Variants in CSNK1G1 observed in about 807,000 individuals in gnomAD.
The protein encoded by CSNK1G1 is casein kinase I isoform gamma-1.
In CSNK1G1, 22 loss-of-function variants were observed where a neutral mutation model predicts 59.6. The observed-to-expected ratio is 0.37, with a 90% CI of 0.26 to 0.53. The LOEUF (loss-of-function observed/expected upper bound fraction) is 0.53. CSNK1G1 is among the 20% of genes least tolerant of loss of function. The probability of loss-of-function intolerance (pLI) is 0.89; values close to 1 mark genes in which losing one functional copy is unlikely to be tolerated. For synonymous variants in CSNK1G1, 179 were observed against 177.1 expected (o/e 1.01, Z -0.08); for missense variants, 384 against 519.5 (o/e 0.74, Z 2.54).
intron 4 of CSNK1G1, among the ~76,000 whole-genome samples, chr15:64,236,014 A>C (rs1348991248): frequency 6.6e-6 from 1 of 151,718 alleles, no homozygotes; most frequent in Non-Finnish European, 1.5e-5. Flanking sequence ...GTGGTGGCAC[A>C]TGCCTGTAAT....
intron 2 of CSNK1G1, among the ~76,000 whole-genome samples, chr15:64,268,928 C>T (rs553964543): frequency 8.5e-5 from 13 of 152,238 alleles, no homozygotes; most frequent in Non-Finnish European, 1.2e-4. Context: ...CAATGCAGTA[C>T]AAAAGTGCTC....
chr15:64,184,273 AGCCTGG>A (rs1206947801), intron 10 of CSNK1G1, among the ~76,000 whole-genome samples: 2 of 152,128 alleles, frequency 1.3e-5, no homozygotes, highest in East Asian at 3.9e-4. Context: ...ACTGCACTCC[AGCCTGG>A]GTGACAGAGC....
chr15:64,201,115 T>C (rs930546512), intron 10 of CSNK1G1, among the ~76,000 whole-genome samples: 1 of 151,576 alleles, frequency 6.6e-6, no homozygotes, highest in Non-Finnish European at 1.5e-5. Context: ...CTAATAAAAA[T>C]ACAAAAATTA....
intron 4 of CSNK1G1, among the ~76,000 whole-genome samples, chr15:64,238,881 G>A (rs1273830891): frequency 6.6e-6 from 1 of 151,970 alleles, no homozygotes; most frequent in Non-Finnish European, 1.5e-5. Flanking sequence ...GCTGCTTGTA[G>A]GCTATGTCAG....
chr15:64,313,439 T>C (rs1434620244), intron 1 of CSNK1G1, among the ~76,000 whole-genome samples: 1 of 152,220 alleles, frequency 6.6e-6, no homozygotes, highest in African/African-American at 2.4e-5. Flanking sequence ...GATGGGTTCA[T>C]GTCCTTTGCA....
intron 3 of CSNK1G1, among the ~76,000 whole-genome samples, chr15:64,255,877 G>A (rs1199610083): frequency 1.3e-5 from 2 of 152,192 alleles, no homozygotes; most frequent in African/African-American, 4.8e-5. Flanking sequence ...GTATCTGTAG[G>A]AAGCGCTATG....
chr15:64,276,595 A>C (rs1281758473), intron 2 of CSNK1G1, among the ~76,000 whole-genome samples: 2 of 152,188 alleles, frequency 1.3e-5, no homozygotes, highest in African/African-American at 4.8e-5. Flanking sequence ...TGACGTACCA[A>C]TGAGATATTT....
chr15:64,225,379 G>T (rs1310363176), intron 4 of CSNK1G1, among the ~76,000 whole-genome samples: 1 of 152,084 alleles, frequency 6.6e-6, no homozygotes, highest in Non-Finnish European at 1.5e-5. Context: ...ACAGGCCAAA[G>T]GCCCATCCCT....
At chr15:64,347,921 G>C (rs759999409) in intron 1 of CSNK1G1, among the ~76,000 whole-genome samples, 21 of 151,650 alleles carry the variant, frequency 1.4e-4, no homozygotes, top group Non-Finnish European at 2.9e-4. Flanking sequence ...CAGGGGAATC[G>C]CTTGAACCCA....
chr15:64,230,989 T>G (rs1022781547), intron 4 of CSNK1G1, among the ~76,000 whole-genome samples: 2 of 150,976 alleles, frequency 1.3e-5, no homozygotes, highest in African/African-American at 4.9e-5. Context: ...AATAAATAAA[T>G]AAATAATAAA....
intron 2 of CSNK1G1, among the ~76,000 whole-genome samples, chr15:64,263,186 TTTTTC>T (rs1349183416): frequency 6.6e-6 from 1 of 151,866 alleles, no homozygotes; most frequent in African/African-American, 2.4e-5. Context: ...GTGTGCAACC[TTTTTC>T]TTTTTTCTTT....
In CSNK1G1 at chr15:64,200,592, C is replaced by T. The variant is rs143405697; in HGVS notation, c.1107+2490G>A. Among the ~76,000 whole-genome samples, 6,541 of 152,222 alleles carry T rather than the reference C, an allele frequency of 0.043. 157 individuals are homozygous for T. Among genetic ancestry groups the T allele is most frequent in the South Asian group, 0.079 (379 of 4,826 alleles). ...AACTCCTGACCTCAGGTGATCGACCCGCCTCGGCCTCCCAAAGTGCTGGGA... is the reference window on the plus strand; with the variant it reads ...AACTCCTGACCTCAGGTGATCGACCTGCCTCGGCCTCCCAAAGTGCTGGGA... On this transcript the variant is annotated intron_variant, in intron 10 of 11. Coordinates refer to ENST00000303052, the MANE Select transcript of CSNK1G1 (RefSeq NM_022048.5). This position sits in a 1 kb window ranked among gnomAD's most constrained non-coding sequence, Gnocchi z 4.3.
At chr15:64,276,885 T>C (rs1367838214) in intron 2 of CSNK1G1, among the ~76,000 whole-genome samples, 1 of 149,118 alleles carries the variant, frequency 6.7e-6, no homozygotes, top group Non-Finnish European at 1.5e-5. Context: ...AGGCAGAGCT[T>C]GCAGTGAGCC....
chr15:64,231,352 T>A (rs1446428876), intron 4 of CSNK1G1, among the ~76,000 whole-genome samples: 1 of 147,202 alleles, frequency 6.8e-6, no homozygotes, highest in Non-Finnish European at 1.5e-5. Flanking sequence ...ATATATATAT[T>A]TATATTTTAT....
At chr15:64,334,159 T>C (rs1258963305) in intron 1 of CSNK1G1, among the ~76,000 whole-genome samples, 1 of 152,148 alleles carries the variant, frequency 6.6e-6, no homozygotes, top group Non-Finnish European at 1.5e-5. Flanking sequence ...ATTACAGGCA[T>C]GCACTGACCA....
intron 11 of CSNK1G1, 146 bp from the exon 12 acceptor site, chr15:64,172,131 G>C (rs1457527018): frequency 5.7e-6 from 4 of 706,374 alleles, no homozygotes; most frequent in Middle Eastern, 3.8e-4. Context: ...GCACGCACTG[G>C]AGGCAGTGGG....
intron 4 of CSNK1G1, among the ~76,000 whole-genome samples, chr15:64,218,947 C>T (rs1285447940): frequency 6.6e-6 from 1 of 151,160 alleles, no homozygotes; most frequent in Non-Finnish European, 1.5e-5. Context: ...CTCCGCCTCC[C>T]GAGTTCAAGC....
At chr15:64,292,429 G>C (rs1894794997) in intron 2 of CSNK1G1, among the ~76,000 whole-genome samples, 1 of 152,072 alleles carries the variant, frequency 6.6e-6, no homozygotes, top group African/African-American at 2.4e-5. Flanking sequence ...ATGCATTTTT[G>C]CATATTTCAT....
intron 1 of CSNK1G1, among the ~76,000 whole-genome samples, chr15:64,307,530 G>A (rs990546386): frequency 3.3e-5 from 5 of 152,020 alleles, no homozygotes; most frequent in East Asian, 1.9e-4. Flanking sequence ...CCTGGACAAC[G>A]TGGCAAAACC....
Sources: allele counts gnomAD v4.1 joint callset (sites outside exome capture counted in the v4.1 genomes callset), GRCh38; gene constraint gnomAD v4.1.1; non-coding constraint Gnocchi (gnomAD v3.1); transcripts MANE v1.5; gene names NCBI Gene and HGNC (gene_info 2026-07-23, HGNC 2026-07-21).